SETD2: variants seen among roughly 807,000 people sequenced by gnomAD.
SETD2 encodes histone-lysine N-methyltransferase SETD2.
SETD2 carries 31 observed loss-of-function variants against 242.1 expected under a neutral mutation model. That is an observed-to-expected ratio of 0.13 (90% CI 0.10 to 0.17). The LOEUF (loss-of-function observed/expected upper bound fraction) is 0.17. SETD2 is among the 10% of genes least tolerant of loss of function. SETD2 has a pLI of 1.00. For missense variants in SETD2, 2,481 were observed against 3,046.3 expected, an observed-to-expected ratio of 0.81 and a Z score of 4.37; for synonymous variants, 1,006 against 1,066.5, an observed-to-expected ratio of 0.94 and a Z score of 1.11.
At chr3:47,049,738 T>TGAG (rs1472650990) in intron 15 of SETD2, among the ~76,000 whole-genome samples, 3 of 146,680 alleles carry the variant, frequency 2.0e-5, no homozygotes, top group Non-Finnish European at 4.5e-5. Context: ...TGAGTTTATA[T>TGAG]TATATATTAT....
At chr3:47,138,685 T>G (rs1374853871) in intron 1 of SETD2, among the ~76,000 whole-genome samples, 2 of 152,098 alleles carry the variant, frequency 1.3e-5, no homozygotes, top group Admixed American at 1.3e-4. Flanking sequence ...CCTCCCAAAG[T>G]GCTAGGATTA....
Position 47,163,905 on chromosome 3 carries a change from T to C in SETD2, c.20A>G (p.Gln7Arg). Residue 7 changes from glutamine to arginine, a missense_variant, in exon 1 of 21, where the codon CAG (glutamine) becomes CGG (arginine). This residue lies in a region of SETD2 where 334 missense variants were observed against 374.5 expected (regional missense o/e 0.89). Transcript: ENST00000409792. MKQLQP[Q>R]PPPKMGDFYD... is the part of the protein sequence containing the mutation. ...GAAATCCCCCATCTTCGGAGGCGGC[T>C]GCGGCTGCAGCTGCTTCATCGGGAG... 7.6e-7 allele frequency: 1 copy of C among 1,314,562 alleles called. No homozygotes were observed. The highest frequency in any genetic ancestry group is 2.0e-4 in the Middle Eastern group (1 of 4,902). The allele number at this position is 1,314,562 out of a possible 1,614,324, so 81.4% of individuals were successfully genotyped here.
At chr3:47,153,044 G>C (rs940949103) in intron 1 of SETD2, among the ~76,000 whole-genome samples, 1 of 152,166 alleles carries the variant, frequency 6.6e-6, no homozygotes, top group African/African-American at 2.4e-5. Flanking sequence ...CAAAAAACAG[G>C]CATGGTGGCT....
In SETD2 at chr3:47,084,159, T is replaced by C. The variant is rs759962777; in HGVS notation, c.5621A>G (p.Lys1874Arg). ...LSTEADTDTP[K>R]KLMFRRLKII... Reference sequence around the variant, plus strand: ...TTTCAGTCTGCGAAACATTAGTTTCTTGGGAGTGTCTGTGTCAGCTTCTGT... The same window carrying C: ...TTTCAGTCTGCGAAACATTAGTTTCCTGGGAGTGTCTGTGTCAGCTTCTGT... The change falls in exon 12 of 21, where the codon AAG becomes AGG. Residue 1874 changes from lysine to arginine, a missense_variant. Lys to Arg is a conservative substitution (Grantham distance 26). Transcript: ENST00000409792. 2 of 1,614,174 alleles carry C rather than the reference T, an allele frequency of 1.2e-6. No homozygotes were observed. The highest frequency in any genetic ancestry group is 2.2e-5 in the East Asian group (1 of 44,888).
At chr3:47,022,025 T>G (rs1045016286) in intron 18 of SETD2, among the ~76,000 whole-genome samples, 3 of 146,748 alleles carry the variant, frequency 2.0e-5, no homozygotes, top group Non-Finnish European at 4.5e-5. Flanking sequence ...CGCGTGCCTG[T>G]AGTCCCAGCT....
At chr3:47,119,893 G>T in intron 3 of SETD2, 1 of 433,212 alleles carries the variant, frequency 2.3e-6, no homozygotes, top group Non-Finnish European at 4.3e-6. Context: ...CATGTAAAAG[G>T]AATTACAGAA....
At chr3:47,032,776 G>A (rs893011856) in intron 18 of SETD2, among the ~76,000 whole-genome samples, 3 of 152,062 alleles carry the variant, frequency 2.0e-5, no homozygotes, top group Non-Finnish European at 1.5e-5. Context: ...GCCAGGCGTG[G>A]TGGCAGGTGC....
intron 3 of SETD2, among the ~76,000 whole-genome samples, chr3:47,117,522 T>C (rs868172745): frequency 1.3e-5 from 2 of 152,164 alleles, no homozygotes; most frequent in Admixed American, 6.5e-5. Context: ...TCAGACCTCA[T>C]GGATGAGCAA....
At chr3:47,082,095 A>G (rs2041339865) in intron 12 of SETD2, among the ~76,000 whole-genome samples, 1 of 152,234 alleles carries the variant, frequency 6.6e-6, no homozygotes, top group African/African-American at 2.4e-5. Context: ...TTAAATTACC[A>G]TGGTTACATC....
chr3:47,046,669 A>C, intron 15 of SETD2, 48 bp from the exon 16 acceptor site: 1 of 1,539,960 alleles, frequency 6.5e-7, no homozygotes, highest in Non-Finnish European at 8.8e-7. Flanking sequence ...TTGTCACTTT[A>C]ATAAACAGAC....
chr3:47,163,638 G>T, intron 1 of SETD2: 1 of 263,340 alleles, frequency 3.8e-6, no homozygotes, highest in Non-Finnish European at 6.9e-6. Context: ...GACACGAGCA[G>T]CGGCGCCAAC....
chr3:47,121,897 C>T lies in SETD2; in HGVS notation c.2739G>A (p.Lys913=), dbSNP rs2043108104. Residue 913 remains lysine, a synonymous_variant, in exon 3 of 21, where the codon AAG becomes AAA. Coordinates refer to ENST00000409792, the MANE Select transcript of SETD2 (RefSeq NM_014159.7). The part of the protein sequence containing the change: ...NTSPVLDAVL[K]SKKSSEFLKH... ...TTAAAAACTCTGAACTTTTTTTACTCTTTAGCACTGCATCCAGAACTGGAG... is the reference window on the plus strand; with the variant it reads ...TTAAAAACTCTGAACTTTTTTTACTTTTTAGCACTGCATCCAGAACTGGAG... The T allele has an allele frequency of 4.3e-6, 7 of 1,613,968 alleles. No homozygotes were observed. The highest frequency in any genetic ancestry group is 5.9e-6 in the Non-Finnish European group (7 of 1,179,994).
At chr3:47,054,254 G>A (rs1204610888) in intron 15 of SETD2, among the ~76,000 whole-genome samples, 1 of 152,132 alleles carries the variant, frequency 6.6e-6, no homozygotes, top group Non-Finnish European at 1.5e-5. Context: ...GTGATGCTTG[G>A]CTCTTAGGGC....
At chr3:47,162,695 A>C (rs1038193986) in intron 1 of SETD2, among the ~76,000 whole-genome samples, 2 of 152,216 alleles carry the variant, frequency 1.3e-5, no homozygotes, top group Admixed American at 6.6e-5. Context: ...TCTTGGAATC[A>C]TCCTGGTCAT....
At chr3:47,075,301 C>T (rs1261882632) in intron 12 of SETD2, among the ~76,000 whole-genome samples, 6 of 151,848 alleles carry the variant, frequency 4.0e-5, no homozygotes, top group African/African-American at 1.2e-4. Context: ...GGCTCACACC[C>T]GTAATCCTAG....
chr3:47,126,544 A>T, intron 2 of SETD2, 104 bp downstream of exon 2: 1 of 611,874 alleles, frequency 1.6e-6, no homozygotes, highest in Non-Finnish European at 2.8e-6. Flanking sequence ...TTCACATTCA[A>T]AATGATAGCT....
At chr3:47,092,020 T>C (rs1284958757) in intron 9 of SETD2, among the ~76,000 whole-genome samples, 1 of 152,210 alleles carries the variant, frequency 6.6e-6, no homozygotes, top group African/African-American at 2.4e-5. Flanking sequence ...CTCTAAATTA[T>C]GTTATTTACA....
intron 12 of SETD2, among the ~76,000 whole-genome samples, chr3:47,067,754 A>G (rs781111626): frequency 6.6e-6 from 1 of 152,144 alleles, no homozygotes; most frequent in Non-Finnish European, 1.5e-5. Context: ...CTACTTAGAG[A>G]AAGAAAAGGT....
At chr3:47,089,446 C>CA (rs914490428) in intron 9 of SETD2, among the ~76,000 whole-genome samples, 3 of 151,790 alleles carry the variant, frequency 2.0e-5, no homozygotes, top group African/African-American at 7.3e-5. Context: ...AATCCTGTCT[C>CA]AAAAAAAGGC....
Sources: gnomAD v4.1 joint callset for allele counts (sites outside exome capture counted in the v4.1 genomes callset) on GRCh38, gnomAD v4.1.1 for gene constraint, gnomAD v4.1.1 regional missense constraint, MANE v1.5 for transcripts, NCBI Gene and HGNC (gene_info 2026-07-23, HGNC 2026-07-21) for gene names.